PTPRJ: variants seen among roughly 807,000 people sequenced by gnomAD.
PTPRJ encodes protein tyrosine phosphatase receptor type J.
Under a neutral mutation model 141.3 loss-of-function variants are expected in PTPRJ, and 129 were observed. The ratio of observed to expected loss-of-function variants is 0.91; its 90% CI spans 0.79 to 1.06. The LOEUF is 1.06. Ranked by LOEUF, PTPRJ falls within the 50% of genes least tolerant of loss-of-function variation. The pLI, the probability that PTPRJ is intolerant of heterozygous loss-of-function variation, is 0.00. For missense variants in PTPRJ, 1,601 were observed against 1,679.7 expected (o/e 0.95, Z 0.82); for synonymous variants, 610 against 640.5 (o/e 0.95, Z 0.72).
chr11:47,981,164 C>A (rs1450308362), intron 1 of PTPRJ, among the ~76,000 whole-genome samples, 156 bp downstream of exon 1: 1 of 152,024 alleles, frequency 6.6e-6, no homozygotes, highest in African/African-American at 2.4e-5. Flanking sequence ...GGACCCCGGC[C>A]GGCCTCGCAC....
chr11:48,099,817 G>T (rs930247599), intron 1 of PTPRJ, among the ~76,000 whole-genome samples: 1 of 152,192 alleles, frequency 6.6e-6, no homozygotes, highest in Non-Finnish European at 1.5e-5. Flanking sequence ...GCTGATGGTT[G>T]TATTTAGGTT....
At chr11:48,114,907 C>A (rs1038960938) in intron 3 of PTPRJ, among the ~76,000 whole-genome samples, 1 of 151,838 alleles carries the variant, frequency 6.6e-6, no homozygotes, top group Non-Finnish European at 1.5e-5. Context: ...ATACTTTGAA[C>A]AAAATGAAAA....
intron 7 of PTPRJ, among the ~76,000 whole-genome samples, chr11:48,130,188 A>C (rs767138437): frequency 1.7e-4 from 26 of 151,014 alleles, no homozygotes; most frequent in Non-Finnish European, 3.4e-4. Context: ...TGAGCCCTTG[A>C]CCACAGGAGC....
At chr11:48,141,926 C>G (rs762567837) in intron 11 of PTPRJ, among the ~76,000 whole-genome samples, 12 of 143,416 alleles carry the variant, frequency 8.4e-5, no homozygotes, top group Non-Finnish European at 1.1e-4. Flanking sequence ...TCAAGAAGCT[C>G]TTCCCCAATG....
intron 1 of PTPRJ, among the ~76,000 whole-genome samples, chr11:48,046,910 A>ATT (rs1281439545): frequency 1.8e-4 from 16 of 87,102 alleles, no homozygotes; most frequent in African/African-American, 6.2e-4. Context: ...ATATATATAT[A>ATT]TATTTTTTTT....
intron 1 of PTPRJ, among the ~76,000 whole-genome samples, chr11:48,104,066 T>C (rs762742709): frequency 1.3e-5 from 2 of 152,258 alleles, no homozygotes; most frequent in African/African-American, 4.8e-5. Flanking sequence ...GAGAGTTTAT[T>C]TGCAGATGAG....
chr11:47,992,173 CT>C (rs893122422), intron 1 of PTPRJ, among the ~76,000 whole-genome samples: 68 of 145,042 alleles, frequency 4.7e-4, no homozygotes, highest in Middle Eastern at 3.6e-3. Context: ...TAGGCCACCT[CT>C]TTTTTTTTTT....
intron 1 of PTPRJ, among the ~76,000 whole-genome samples, chr11:47,996,177 C>CA (rs1177815077): frequency 6.7e-6 from 1 of 149,088 alleles, no homozygotes; most frequent in African/African-American, 2.5e-5. Flanking sequence ...ACTAAAAATA[C>CA]AAAAAAAATT....
Position 47,980,748 on chromosome 11 carries a change from A to G in PTPRJ, c.-165A>G. 2.0e-6 allele frequency: 2 copies of G among 1,014,408 alleles called. No individual in the cohort carries two copies. Among genetic ancestry groups the G allele is most frequent in the Non-Finnish European group, 1.2e-6 (1 of 851,358 alleles). The allele number at this position is 1,014,408 out of a possible 1,614,324, so 62.8% of individuals were successfully genotyped here. A position where few individuals can be genotyped will look rare whatever the true frequency, so the allele number is the denominator to read the frequency against. On this transcript the variant is annotated 5_prime_UTR_variant, in exon 1 of 25. It removes an upstream start codon present in the reference 5' UTR. Coordinates refer to ENST00000418331, the MANE Select transcript of PTPRJ (RefSeq NM_002843.4). The stretch of plus-strand genomic sequence containing the variant: ...GGCCGCGGCCGCCGCCGCCGCTGCC[A>G]TGTCTCCGGGGAAGCCCGGGGCGGG...
chr11:48,144,755 C>T lies in PTPRJ; in HGVS notation c.2656C>T (p.Leu886Phe), dbSNP rs773239645. The change falls in exon 13 of 25, where the codon CTC (leucine) becomes TTC (phenylalanine). Residue 886 changes from leucine (L) to phenylalanine (F), a missense_variant. Coordinates refer to ENST00000418331, the MANE Select transcript of PTPRJ (RefSeq NM_002843.4). Reference sequence around the variant, plus strand: ...AGCCTCAGATACTTATGTGACATACCTCATAAGAACAGAAGAAAAGGGACG... The same window carrying T: ...AGCCTCAGATACTTATGTGACATACTTCATAAGAACAGAAGAAAAGGGACG... ...KGASDTYVTY[L>F]IRTEEKGRSQ... 1.4e-5 allele frequency: 22 copies of T among 1,614,108 alleles called. No individual in the cohort carries two copies. The highest frequency in any genetic ancestry group is 1.6e-5 in the Non-Finnish European group (19 of 1,179,972).
At chr11:48,071,789 A>T (rs1273875255) in intron 1 of PTPRJ, among the ~76,000 whole-genome samples, 1 of 147,516 alleles carries the variant, frequency 6.8e-6, no homozygotes, top group Admixed American at 6.8e-5. Flanking sequence ...TTTTCAGTAG[A>T]GACGGGGTTT....
chr11:48,137,332 CT>C, intron 10 of PTPRJ, 51 bp downstream of exon 10: 5 of 1,567,508 alleles, frequency 3.2e-6, no homozygotes, highest in South Asian at 1.2e-5. Flanking sequence ...TGGTGCTGAC[CT>C]TGCAGGTCAG....
At chr11:48,045,349 G>T (rs1854364729) in intron 1 of PTPRJ, among the ~76,000 whole-genome samples, 1 of 152,096 alleles carries the variant, frequency 6.6e-6, no homozygotes, top group South Asian at 2.1e-4. Context: ...GATCCCATTG[G>T]GTGACCCTGG....
chr11:48,147,533 T>C (rs2134372419), intron 15 of PTPRJ, among the ~76,000 whole-genome samples: 2 of 152,350 alleles, frequency 1.3e-5, no homozygotes, highest in South Asian at 4.1e-4. Context: ...ATCTGTGCTT[T>C]CTGTGAATTA....
chr11:48,132,369 A>G (rs1202060337), intron 8 of PTPRJ: 1 of 977,354 alleles, frequency 1.0e-6, no homozygotes, highest in East Asian at 1.1e-4. Context: ...TGTCTCAAAA[A>G]AAAATTTTTT....
chr11:48,069,112 T>C (rs1040402246), intron 1 of PTPRJ, among the ~76,000 whole-genome samples: 11 of 152,034 alleles, frequency 7.2e-5, no homozygotes, highest in Non-Finnish European at 1.3e-4. Flanking sequence ...TCTTTTTTTT[T>C]TTTTTCAGAT....
chr11:48,147,699 T>G (rs555580747), intron 15 of PTPRJ, among the ~76,000 whole-genome samples: 179 of 152,302 alleles, frequency 1.2e-3, no homozygotes, highest in Non-Finnish European at 1.1e-3. Context: ...TGTGTGTTAG[T>G]TGGGATTTCT....
chr11:47,986,700 G>C (rs1854059579), intron 1 of PTPRJ, among the ~76,000 whole-genome samples: 1 of 152,078 alleles, frequency 6.6e-6, no homozygotes, highest in South Asian at 2.1e-4. Context: ...TATTTTAGTT[G>C]AGACGGGGTT....
chr11:48,106,992 C>T (rs1177617450), intron 1 of PTPRJ, among the ~76,000 whole-genome samples: 1 of 151,948 alleles, frequency 6.6e-6, no homozygotes. Context: ...TGGTCTGGAA[C>T]TCCTGACCTC....
Sources: gnomAD v4.1 joint callset for allele counts (sites outside exome capture counted in the v4.1 genomes callset) on GRCh38, gnomAD v4.1.1 for gene constraint, MANE v1.5 for transcripts, NCBI Gene and HGNC (gene_info 2026-07-23, HGNC 2026-07-21) for gene names.